TAFA2: variants seen among roughly 807,000 people sequenced by gnomAD.
TAFA2 encodes TAFA chemokine like family member 2, also known as chemokine-like protein TAFA-2.
Under a neutral mutation model 18.8 loss-of-function variants are expected in TAFA2, and 7 were observed. The observed-to-expected ratio is 0.37, with a 90% CI of 0.21 to 0.70. TAFA2 has a LOEUF of 0.70. TAFA2 is among the 30% of genes least tolerant of loss of function. The pLI, the probability that TAFA2 is intolerant of heterozygous loss-of-function variation, is 0.53. For missense variants in TAFA2, 122 were observed against 158.1 expected (o/e 0.77, Z 1.23); for synonymous variants, 60 against 54.2 (o/e 1.11, Z -0.47).
chr12:61,948,136 T>A (rs907718039), intron 1 of TAFA2, among the ~76,000 whole-genome samples: 1 of 152,206 alleles, frequency 6.6e-6, no homozygotes, highest in African/African-American at 2.4e-5. Flanking sequence ...AACTTAATAA[T>A]TATTGAGCAC....
intron 1 of TAFA2, among the ~76,000 whole-genome samples, chr12:62,153,921 A>ATTATGTTATG (rs60466452): frequency 0.24 from 29,332 of 123,758 alleles, 3,984 homozygotes; most frequent in African/African-American, 0.26. Flanking sequence ...ACATAACAAA[A>ATTATGTTATG]TTATGTTATG....
intron 1 of TAFA2, among the ~76,000 whole-genome samples, chr12:62,186,104 G>C (rs2062584018): frequency 6.6e-6 from 1 of 152,084 alleles, no homozygotes; most frequent in South Asian, 2.1e-4. Context: ...TCAAAGACTT[G>C]TTTATAAAGA....
intron 1 of TAFA2, among the ~76,000 whole-genome samples, chr12:61,916,485 G>A (rs892480685): frequency 6.6e-6 from 1 of 152,176 alleles, no homozygotes. Flanking sequence ...TATTGTTAAT[G>A]TTTTTACTCT....
At chr12:61,851,774 CAAAAAAAAAAAAAAAAAAAAAAAAAAAAA>C (rs55651727) in intron 2 of TAFA2, among the ~76,000 whole-genome samples, 16 of 14,496 alleles carry the variant, frequency 1.1e-3, no homozygotes, top group East Asian at 9.6e-3. Flanking sequence ...GACTCCATCT[CAAAAAAAAAAAAAAAAAAAAAAAAAAAAA>C]AAAAAAAAAA....
At chr12:61,865,999 T>A (rs894736501) in intron 2 of TAFA2, among the ~76,000 whole-genome samples, 5 of 152,218 alleles carry the variant, frequency 3.3e-5, no homozygotes, top group Admixed American at 1.3e-4. Context: ...TCTTGTTGGT[T>A]GCTGCCAATT....
In TAFA2 at chr12:61,851,774, C is replaced by CAAAAA. The variant is rs55651727; in HGVS notation, c.106+15541_106+15545dup. On this transcript the variant is annotated intron_variant, in intron 2 of 4. Coordinates refer to ENST00000416284, the MANE Select transcript of TAFA2 (RefSeq NM_178539.5). ...TGGGCGACAGAGCGAGACTCCATCT[C>CAAAAA]AAAAAAAAAAAAAAAAAAAAAAAAA... 6.9e-4 allele frequency among the ~76,000 whole-genome samples: 10 copies of CAAAAA among 14,500 alleles called. 3 individuals are homozygous for CAAAAA. Among genetic ancestry groups the CAAAAA allele is most frequent in the Admixed American group, 1.4e-3 (1 of 694 alleles). 9.5% of individuals were successfully genotyped at this position (14,500 alleles called of 152,430 possible). A position where few individuals can be genotyped will look rare whatever the true frequency, so the allele number is the denominator to read the frequency against.
intron 1 of TAFA2, among the ~76,000 whole-genome samples, chr12:62,176,365 A>C (rs2062513558): frequency 6.6e-6 from 1 of 152,198 alleles, no homozygotes; most frequent in Admixed American, 6.5e-5. Context: ...CTACAAATGC[A>C]ACTGAGTTCT....
At chr12:61,884,063 A>G (rs374524399) in intron 1 of TAFA2, among the ~76,000 whole-genome samples, 2 of 152,188 alleles carry the variant, frequency 1.3e-5, no homozygotes, top group East Asian at 3.8e-4. Flanking sequence ...ATATAGAGAG[A>G]TATGAAGAAA....
chr12:61,751,421 A>T (rs1357672667), intron 4 of TAFA2, among the ~76,000 whole-genome samples: 1 of 152,028 alleles, frequency 6.6e-6, no homozygotes, highest in Admixed American at 6.6e-5. Context: ...AAGGATAAGA[A>T]TTTACTTTGG....
chr12:62,057,006 G>A (rs1174018326), intron 1 of TAFA2, among the ~76,000 whole-genome samples: 1 of 152,196 alleles, frequency 6.6e-6, no homozygotes, highest in African/African-American at 2.4e-5. Flanking sequence ...TGTCAAGAGT[G>A]TACGTACCTC....
At chr12:61,794,316 A>T (rs923188614) in intron 2 of TAFA2, among the ~76,000 whole-genome samples, 1 of 152,042 alleles carries the variant, frequency 6.6e-6, no homozygotes, top group Admixed American at 6.6e-5. Flanking sequence ...ATCTACAAAA[A>T]GATATTAGAA....
At chr12:62,164,938 G>A (rs185463579) in intron 1 of TAFA2, among the ~76,000 whole-genome samples, 1 of 152,220 alleles carries the variant, frequency 6.6e-6, no homozygotes, top group East Asian at 1.9e-4. Context: ...CCAATTTACA[G>A]ATGAAACCCA....
chr12:62,177,144 C>A (rs181672770), intron 1 of TAFA2, among the ~76,000 whole-genome samples: 33 of 152,368 alleles, frequency 2.2e-4, no homozygotes, highest in South Asian at 1.4e-3. Context: ...GGGGGGAAAC[C>A]TTCATCCCTT....
At chr12:62,164,085 G>A (rs1160438899) in intron 1 of TAFA2, among the ~76,000 whole-genome samples, 1 of 152,094 alleles carries the variant, frequency 6.6e-6, no homozygotes, top group East Asian at 1.9e-4. Context: ...AGTGGAACAA[G>A]AAATCTTGTA....
chr12:61,972,972 C>A (rs1224498697), intron 1 of TAFA2, among the ~76,000 whole-genome samples: 1 of 151,644 alleles, frequency 6.6e-6, no homozygotes, highest in African/African-American at 2.4e-5. Flanking sequence ...TACCTACATA[C>A]CCTATTCAAA....
Position 62,150,183 on chromosome 12 carries a change from C to T in TAFA2, c.-2+41076G>A, listed in dbSNP as rs115132899. ...TTTAGGTGCTAAGCACTGTGATAGACGCCAAGGGCACAAAGATTATTAAAA... is the reference window on the plus strand; with the variant it reads ...TTTAGGTGCTAAGCACTGTGATAGATGCCAAGGGCACAAAGATTATTAAAA... On this transcript the variant is annotated intron_variant, in intron 1 of 4. Transcript: ENST00000416284. 8.2e-4 allele frequency among the ~76,000 whole-genome samples: 125 copies of T among 152,246 alleles called. 1 individual carries two copies. The highest frequency in any genetic ancestry group is 5.2e-3 in the East Asian group (27 of 5,184).
chr12:62,173,299 G>C (rs2062491364), intron 1 of TAFA2, among the ~76,000 whole-genome samples: 1 of 152,080 alleles, frequency 6.6e-6, no homozygotes, highest in Non-Finnish European at 1.5e-5. Context: ...TGTAATCCCA[G>C]CTACTCGGAG....
intron 1 of TAFA2, chr12:62,242,332 A>G (rs1355203586): frequency 5.9e-5 from 9 of 152,234 alleles, no homozygotes; most frequent in Admixed American, 5.9e-4. Flanking sequence ...TTAAAAAAAG[A>G]AAAAAGGAAA....
At chr12:62,229,221 G>C (rs1565783946) in intron 1 of TAFA2, among the ~76,000 whole-genome samples, 1 of 151,822 alleles carries the variant, frequency 6.6e-6, no homozygotes, top group Non-Finnish European at 1.5e-5. Context: ...TTGCCTAATT[G>C]CTCCCGTTAG....
Sources: allele counts gnomAD v4.1 joint callset (sites outside exome capture counted in the v4.1 genomes callset), GRCh38; gene constraint gnomAD v4.1.1; transcripts MANE v1.5; gene names NCBI Gene and HGNC (gene_info 2026-07-23, HGNC 2026-07-21).